Variants in RGMB observed in about 807,000 individuals in gnomAD.
RGMB encodes the protein repulsive guidance molecule BMP co-receptor b, also known as repulsive guidance molecule B.
A neutral mutation model predicts 26.9 loss-of-function variants in RGMB; 16 were observed. The ratio of observed to expected loss-of-function variants is 0.60; its 90% confidence interval spans 0.40 to 0.90. The LOEUF is 0.90. RGMB is among the 40% of genes least tolerant of loss of function. The pLI, the probability that RGMB is intolerant of heterozygous loss-of-function variation, is 0.00. For missense variants in RGMB, 512 were observed against 573.3 expected (o/e 0.89, Z 1.09); for synonymous variants, 225 against 229.3 (o/e 0.98, Z 0.17).
At chr5:98,780,164 TG>T (rs1371667989) in intron 2 of RGMB, 76 bp downstream of exon 2, 4 of 1,402,736 alleles carry the variant, frequency 2.9e-6, no homozygotes, top group Non-Finnish European at 3.9e-6. Context: ...ACTTTTGAAA[TG>T]TGCTATAAAG....
chr5:98,773,744 G>T lies in RGMB; in HGVS notation c.-327G>T. The T allele has an allele frequency of 7.9e-6, 3 of 381,288 alleles. No homozygotes were observed. The highest frequency in any genetic ancestry group is 1.4e-5 in the Non-Finnish European group (3 of 215,548). 23.6% of individuals were successfully genotyped at this position (381,288 alleles called of 1,614,324 possible). On this transcript the variant is annotated 5_prime_UTR_variant, in exon 1 of 3. Transcript: ENST00000513185. ...GGTCCACGCCCGCCGAGCCCACGCTGGCTGGGGCCGGGGTGCCGGCGCGCT... is the reference window on the plus strand; with the variant it reads ...GGTCCACGCCCGCCGAGCCCACGCTTGCTGGGGCCGGGGTGCCGGCGCGCT...
At chr5:98,790,673 C>T (rs939407296) in intron 2 of RGMB, among the ~76,000 whole-genome samples, 3 of 152,112 alleles carry the variant, frequency 2.0e-5, no homozygotes, top group African/African-American at 7.2e-5. Flanking sequence ...TGTTTGGAAT[C>T]GGTTATCTTT....
At chr5:98,782,246 T>C (rs1746631153) in intron 2 of RGMB, among the ~76,000 whole-genome samples, 1 of 152,188 alleles carries the variant, frequency 6.6e-6, no homozygotes, top group Non-Finnish European at 1.5e-5. Flanking sequence ...CCTGTCTCAA[T>C]ACTAGTATGA....
upstream of RGMB, chr5:98,769,662 C>CG: frequency 6.5e-6 from 1 of 153,556 alleles, no homozygotes; most frequent in Non-Finnish European, 1.5e-5. Context: ...GCGGTGGGCC[C>CG]GGGGGACGTG....
rs746781531 is a variant in RGMB, at chr5:98,793,798, A to T, written c.*45A>T. 50 of 1,342,240 alleles carry T rather than the reference A, an allele frequency of 3.7e-5. No homozygotes were observed. The East Asian group carries it at 1.3e-3, about 34-fold the overall frequency. The allele number at this position is 1,342,240 out of a possible 1,614,324, so 83.1% of individuals were successfully genotyped here. On this transcript the variant is annotated 3_prime_UTR_variant, in exon 3 of 3. Coordinates refer to ENST00000513185, the MANE Select transcript of RGMB (RefSeq NM_001366508.1). ...TTTTTTATTTTTTGTCTATAACAAA[A>T]TTTTAAAATATATATTGTCATAATA...
At chr5:98,782,879 T>G (rs1290347083) in intron 2 of RGMB, among the ~76,000 whole-genome samples, 2 of 152,054 alleles carry the variant, frequency 1.3e-5, no homozygotes, top group African/African-American at 4.8e-5. Context: ...AAAGACAAAG[T>G]GGGGGAAAAA....
chr5:98,775,390 T>C (rs191297004), intron 1 of RGMB, among the ~76,000 whole-genome samples: 2 of 152,274 alleles, frequency 1.3e-5, no homozygotes, highest in East Asian at 3.9e-4. Flanking sequence ...TAAAAAAGTG[T>C]AATAGAAAGT....
chr5:98,781,036 C>CA (rs983302049), intron 2 of RGMB: 11 of 152,092 alleles, frequency 7.2e-5, no homozygotes, highest in Non-Finnish European at 1.5e-4. Flanking sequence ...TTATTGTATC[C>CA]AAAAAAATTG....
chr5:98,792,702 T>G (rs1015676810), intron 2 of RGMB, among the ~76,000 whole-genome samples: 38 of 148,952 alleles, frequency 2.6e-4, no homozygotes, highest in Admixed American at 1.4e-3. Context: ...GCCCAGGAGT[T>G]GAACGTTGCA....
At position 98,794,003 on chromosome 5, in the gene RGMB, G is replaced by A; in HGVS notation, c.*250G>A. 1 of 376,528 alleles carries A rather than the reference G, an allele frequency of 2.7e-6. No individual in the cohort carries two copies. Among genetic ancestry groups the A allele is most frequent in the Non-Finnish European group, 4.7e-6 (1 of 212,960 alleles). 23.3% of individuals were successfully genotyped at this position (376,528 alleles called of 1,614,324 possible). A position where few individuals can be genotyped will look rare whatever the true frequency, so the allele number is the denominator to read the frequency against. On this transcript the variant is annotated 3_prime_UTR_variant, in exon 3 of 3. Coordinates refer to ENST00000513185, the MANE Select transcript of RGMB (RefSeq NM_001366508.1). Reference sequence around the variant, plus strand: ...AAATGTTTTATAATGTCCCTGCCCAGGGACCTGTTAGAAAGCACTTTATTT... The same window carrying A: ...AAATGTTTTATAATGTCCCTGCCCAAGGACCTGTTAGAAAGCACTTTATTT...
rs369065370 is a variant in RGMB, at chr5:98,793,061, C to T, written c.646-24C>T. 434 of 1,561,686 alleles carry T rather than the reference C, an allele frequency of 2.8e-4. 4 individuals carry two copies. The highest frequency in any genetic ancestry group is 1.0e-3 in the South Asian group (84 of 82,970). On this transcript the variant is annotated intron_variant, in intron 2 of 2. Coordinates refer to ENST00000513185, the MANE Select transcript of RGMB (RefSeq NM_001366508.1). ...TCTGCTTCCTTCCCATTCTGTTAAACCTTGTACATGCTCCTTCCCACAGAT... is the reference window on the plus strand; with the variant it reads ...TCTGCTTCCTTCCCATTCTGTTAAATCTTGTACATGCTCCTTCCCACAGAT...
In RGMB at chr5:98,779,875, C is replaced by T. The variant is rs759607665; in HGVS notation, c.432C>T (p.His144=). 81 of 1,613,928 alleles carry T rather than the reference C, an allele frequency of 5.0e-5. 1 individual carries two copies. Among genetic ancestry groups the T allele is most frequent in the Admixed American group, 3.0e-4 (18 of 59,998 alleles). ...ATGATCCTTGCAACTATCACAGCCA[C>T]GCTGGAGCCAGGGAACACAGGAGAG... ...VTHDPCNYHS[H]AGAREHRRGD... The change falls in exon 2 of 3, where the codon CAC becomes CAT. Residue 144 remains histidine, a synonymous_variant. Coordinates refer to ENST00000513185, the MANE Select transcript of RGMB (RefSeq NM_001366508.1).
chr5:98,774,205 A>G lies in RGMB; in HGVS notation c.135A>G (p.Ala45=). 1 of 1,463,510 alleles carries G rather than the reference A, an allele frequency of 6.8e-7. No homozygotes were observed. Among genetic ancestry groups the G allele is most frequent in the Non-Finnish European group, 9.0e-7 (1 of 1,116,152 alleles). The allele number at this position is 1,463,510 out of a possible 1,614,324, so 90.7% of individuals were successfully genotyped here. ...LLLFSLGLLH[A]GDCQQPAQCR... is the part of the protein sequence containing the mutation. The stretch of plus-strand genomic sequence containing the variant: ...TGTTCAGCCTCGGGCTGCTCCACGC[A>G]GGTAGGACGGGAGCGCGCGAGGGGA... Residue 45 remains alanine, a splice_region_variant and synonymous_variant, in exon 1 of 3, where the codon GCA becomes GCG. Transcript: ENST00000513185.
At position 98,794,839 on chromosome 5, in the gene RGMB, T is replaced by G. The variant is rs1747064540; in HGVS notation, c.*1086T>G. The G allele has an allele frequency of 6.6e-6, 1 of 152,274 alleles. No individual in the cohort carries two copies. The highest frequency in any genetic ancestry group is 2.4e-5 in the African/African-American group (1 of 41,452). 9.4% of individuals were successfully genotyped at this position (152,274 alleles called of 1,614,324 possible). ...GTTTTTCATTCTTCCTTGTCCACCA[T>G]GATCTTCATCACAGTCTTTGATATG... On this transcript the variant is annotated 3_prime_UTR_variant, in exon 3 of 3. Coordinates refer to ENST00000513185, the MANE Select transcript of RGMB (RefSeq NM_001366508.1).
At chr5:98,772,084 T>A (rs577627866), upstream of RGMB, among the ~76,000 whole-genome samples, 1 of 152,256 alleles carries the variant, frequency 6.6e-6, no homozygotes, top group Non-Finnish European at 1.5e-5. Context: ...GCTCTAATAA[T>A]ACTTAGTCCG....
In RGMB at chr5:98,773,955, G is replaced by C. The variant is rs1356065266; in HGVS notation, c.-116G>C. 4.8e-6 allele frequency: 3 copies of C among 620,866 alleles called. No individual in the cohort carries two copies. The highest frequency in any genetic ancestry group is 8.7e-6 in the Non-Finnish European group (3 of 344,042). The allele number at this position is 620,866 out of a possible 1,614,324, so 38.5% of individuals were successfully genotyped here. On this transcript the variant is annotated 5_prime_UTR_variant, in exon 1 of 3. Coordinates refer to ENST00000513185, the MANE Select transcript of RGMB (RefSeq NM_001366508.1). Reference sequence around the variant, plus strand: ...CCATCTGCTACACGGGCCTGAAGAAGGAAGAAGAGGAAGCGAAGCGCGCCC... The same window carrying C: ...CCATCTGCTACACGGGCCTGAAGAACGAAGAAGAGGAAGCGAAGCGCGCCC...
chr5:98,792,539 G>A (rs988355933), intron 2 of RGMB, among the ~76,000 whole-genome samples: 15 of 151,954 alleles, frequency 9.9e-5, no homozygotes, highest in Admixed American at 5.2e-4. Flanking sequence ...TTCAAGACCA[G>A]CCTGGGCAAC....
intron 1 of RGMB, among the ~76,000 whole-genome samples, chr5:98,775,098 C>T (rs1046027810): frequency 6.6e-6 from 1 of 152,012 alleles, no homozygotes; most frequent in Admixed American, 6.5e-5. Flanking sequence ...GAACAAACAG[C>T]ATTAGATAAG....
chr5:98,784,488 C>T (rs1159555449), intron 2 of RGMB, among the ~76,000 whole-genome samples: 1 of 152,180 alleles, frequency 6.6e-6, no homozygotes, highest in African/African-American at 2.4e-5. Context: ...GCTCCTAGAG[C>T]ATGAGGTAGG....
Sources: allele counts gnomAD v4.1 joint callset (sites outside exome capture counted in the v4.1 genomes callset), GRCh38; gene constraint gnomAD v4.1.1; transcripts MANE v1.5; gene names NCBI Gene and HGNC (gene_info 2026-07-23, HGNC 2026-07-21).